RPH3A: variants seen among roughly 807,000 people sequenced by gnomAD.
RPH3A encodes rabphilin-3A.
RPH3A carries 48 observed loss-of-function variants against 102.2 expected under a neutral mutation model. The ratio of observed to expected loss-of-function variants is 0.47; its 90% confidence interval spans 0.37 to 0.60. RPH3A has a LOEUF of 0.60. Among genes scored for constraint, RPH3A ranks in the 20% least tolerant of loss-of-function variants. The pLI is 0.00. For missense variants in RPH3A, 781 were observed against 910.1 expected (o/e 0.86, Z 1.83); for synonymous variants, 310 against 324.3 (o/e 0.96, Z 0.47).
chr12:112,833,593 T>C (rs978127941), intron 3 of RPH3A, among the ~76,000 whole-genome samples: 4 of 75,662 alleles, frequency 5.3e-5, no homozygotes, highest in African/African-American at 2.1e-4. Flanking sequence ...TTTGCAGTGG[T>C]TTATTGCTCA....
rs1555209151 is a variant in RPH3A, at chr12:112,791,899, A to AGAGAGAGAGAGAGAGG, written c.-247_-246insGAGAGAGAGGGAGAGA. 2 of 150,582 alleles carry AGAGAGAGAGAGAGAGG rather than the reference A, an allele frequency of 1.3e-5. No homozygotes were observed. The highest frequency in any genetic ancestry group is 1.5e-5 in the Non-Finnish European group (1 of 67,482). The allele number at this position is 150,582 out of a possible 1,614,324, so 9.3% of individuals were successfully genotyped here. ...GAGAGAGAGAGAGAGAGAGAGAGAG[A>AGAGAGAGAGAGAGAGG]GAGAGACTCACAGAGCTAAAACCTT... is the stretch of plus-strand genomic sequence containing the variant. On this transcript the variant is annotated 5_prime_UTR_variant, in exon 1 of 22. Transcript: ENST00000389385.
At chr12:112,829,079 T>C (rs2041926623) in intron 3 of RPH3A, among the ~76,000 whole-genome samples, 2 of 152,226 alleles carry the variant, frequency 1.3e-5, no homozygotes, top group East Asian at 1.9e-4. Context: ...CCCATCCCAG[T>C]TGGTTTTCCT....
chr12:112,576,497 G>A (rs575580630), intron 1 of RPH3A, among the ~76,000 whole-genome samples: 1 of 152,114 alleles, frequency 6.6e-6, no homozygotes. Context: ...GGTATTACAA[G>A]CTTCAGCCAC....
chr12:112,684,249 GT>G (rs766502394), intron 1 of RPH3A, among the ~76,000 whole-genome samples: 1 of 151,858 alleles, frequency 6.6e-6, no homozygotes, highest in Non-Finnish European at 1.5e-5. Flanking sequence ...TATTTTTATT[GT>G]TTTTTTGTTT....
chr12:112,648,570 CAAA>C (rs1167121829), intron 1 of RPH3A, among the ~76,000 whole-genome samples: 4 of 11,042 alleles, frequency 3.6e-4, no homozygotes, highest in Non-Finnish European at 4.6e-4. Context: ...CCCATCTCTA[CAAA>C]AAAAAAAAAA....
intron 2 of RPH3A, among the ~76,000 whole-genome samples, chr12:112,798,713 C>A (rs4285936): frequency 6.6e-6 from 1 of 151,974 alleles, no homozygotes; most frequent in Non-Finnish European, 1.5e-5. Flanking sequence ...GGTGCTAAGC[C>A]CCTAAGTCTC....
rs546132575 is a variant in RPH3A at position 112,719,753 on chromosome 12, G to C, written c.-139-72390G>C. On this transcript the variant is annotated intron_variant, in intron 1 of 21. Coordinates refer to the RPH3A transcript ENST00000543106. The stretch of plus-strand genomic sequence containing the variant: ...CTATGGGGTAAGAGGTTATAACAGA[G>C]AAGATGGGAGAAGTTGACCAATCTG... Among the ~76,000 whole-genome samples, 4 of 152,274 alleles carry C rather than the reference G, an allele frequency of 2.6e-5. No individual in the cohort carries two copies. The South Asian group carries it at 8.3e-4, about 32-fold the overall frequency.
intron 1 of RPH3A, among the ~76,000 whole-genome samples, chr12:112,786,740 C>T (rs916315040): frequency 3.9e-5 from 6 of 152,110 alleles, no homozygotes; most frequent in Admixed American, 2.0e-4. Context: ...TTCCTAAAGC[C>T]GATTTGCTAT....
At chr12:112,849,684 C>G (rs771857545) in intron 5 of RPH3A, among the ~76,000 whole-genome samples, 1 of 152,098 alleles carries the variant, frequency 6.6e-6, no homozygotes, top group Non-Finnish European at 1.5e-5. Context: ...TGCCATATTC[C>G]CAAAGCCTGG....
In RPH3A at chr12:112,664,486, A is replaced by G. The variant is rs141986198; in HGVS notation, c.-140+89167A>G. ...GAAGTAAATGTGGGGTGTGAAACAT[A>G]TCTTCTGGATGTAATAGTTGAAAAC... On this transcript the variant is annotated intron_variant, in intron 1 of 21. Transcript: ENST00000543106. Among the ~76,000 whole-genome samples, 788 of 152,314 alleles carry G rather than the reference A, an allele frequency of 5.2e-3. 6 individuals are homozygous for G. The highest frequency in any genetic ancestry group is 0.017 in the African/African-American group (718 of 41,558).
chr12:112,862,202 T>TGCACTTCA (rs1387095783), intron 5 of RPH3A, among the ~76,000 whole-genome samples: 14 of 151,684 alleles, frequency 9.2e-5, no homozygotes, highest in Admixed American at 9.2e-4. Flanking sequence ...ATCGTACCAT[T>TGCACTTCA]GCACTTCAGT....
At chr12:112,770,570 C>T (rs935236157) in intron 1 of RPH3A, among the ~76,000 whole-genome samples, 1 of 152,038 alleles carries the variant, frequency 6.6e-6, no homozygotes, top group Non-Finnish European at 1.5e-5. Context: ...ACTCGAACTC[C>T]CGAGCTCATG....
chr12:112,737,744 G>A (rs1024578310), intron 1 of RPH3A, among the ~76,000 whole-genome samples: 7 of 152,146 alleles, frequency 4.6e-5, no homozygotes, highest in Admixed American at 2.6e-4. Context: ...GGTTAAGGAC[G>A]TGAAGAAGAG....
intron 1 of RPH3A, among the ~76,000 whole-genome samples, chr12:112,647,911 C>A (rs1281534762): frequency 2.6e-5 from 4 of 152,188 alleles, no homozygotes; most frequent in African/African-American, 9.7e-5. Flanking sequence ...ATGCTTGATA[C>A]ATGTTAACTG....
intron 17 of RPH3A, 111 bp from the exon 18 acceptor site, chr12:112,889,913 A>G: frequency 1.0e-6 from 1 of 980,510 alleles, no homozygotes; most frequent in Non-Finnish European, 1.6e-6. Context: ...TTAAGAACCC[A>G]CTTTCATGGC....
intron 1 of RPH3A, among the ~76,000 whole-genome samples, chr12:112,706,634 G>A (rs1440566239): frequency 1.3e-5 from 2 of 152,214 alleles, no homozygotes; most frequent in Admixed American, 6.5e-5. Context: ...GCTAGGTGAA[G>A]ATGGTGGATG....
intron 1 of RPH3A, among the ~76,000 whole-genome samples, chr12:112,677,415 C>CTCCCTCCT (rs2040186501): frequency 6.0e-5 from 2 of 33,242 alleles, no homozygotes; most frequent in Admixed American, 3.5e-4. Flanking sequence ...CCCTCCTTCC[C>CTCCCTCCT]TCCTTCCTTC....
chr12:112,668,859 G>T (rs865804436), intron 1 of RPH3A, among the ~76,000 whole-genome samples: 7 of 152,012 alleles, frequency 4.6e-5, no homozygotes, highest in Non-Finnish European at 1.0e-4. Context: ...AATTAGCAGT[G>T]CAGCATCCTC....
intron 1 of RPH3A, among the ~76,000 whole-genome samples, chr12:112,589,981 G>A (rs1049666674): frequency 7.2e-5 from 11 of 151,924 alleles, no homozygotes; most frequent in African/African-American, 2.7e-4. Flanking sequence ...TACTTGGGAG[G>A]CTGAGGCAGG....
Sources: allele counts gnomAD v4.1 joint callset (sites outside exome capture counted in the v4.1 genomes callset), GRCh38; gene constraint gnomAD v4.1.1; transcripts MANE v1.5; gene names NCBI Gene and HGNC (gene_info 2026-07-23, HGNC 2026-07-21).